NCALD: variants seen among roughly 807,000 people sequenced by gnomAD.
NCALD encodes the protein neurocalcin delta.
In NCALD, 10 loss-of-function variants were observed where a neutral mutation model predicts 18.6. The ratio of observed to expected loss-of-function variants is 0.54; its 90% CI spans 0.33 to 0.91. NCALD has a LOEUF of 0.91. Ranked by LOEUF, NCALD falls within the 40% of genes least tolerant of loss-of-function variation. NCALD has a pLI of 0.03. For missense variants in NCALD, 184 were observed against 247.6 expected, an observed-to-expected ratio of 0.74 and a Z score of 1.72; for synonymous variants, 88 against 87.4, an observed-to-expected ratio of 1.01 and a Z score of -0.04.
chr8:101,971,731 G>A (rs1820248964), intron 2 of NCALD, among the ~76,000 whole-genome samples: 1 of 152,100 alleles, frequency 6.6e-6, no homozygotes, highest in Non-Finnish European at 1.5e-5. Context: ...TGCACAGAGG[G>A]CATCAACACA....
chr8:101,950,747 T>C (rs1404420954), intron 2 of NCALD, among the ~76,000 whole-genome samples: 2 of 152,128 alleles, frequency 1.3e-5, no homozygotes, highest in Non-Finnish European at 2.9e-5. Flanking sequence ...AGCCTGTTGG[T>C]CCAAGAAGAA....
At position 101,725,915 on chromosome 8, in the gene NCALD, G is replaced by T. The variant is rs530951650; in HGVS notation, c.-19-6267C>A. Among the ~76,000 whole-genome samples, 28 of 152,368 alleles carry T rather than the reference G, an allele frequency of 1.8e-4. No homozygotes were observed. The South Asian group carries it at 5.4e-3, about 29-fold the overall frequency. On this transcript the variant is annotated intron_variant, in intron 1 of 3. Coordinates refer to ENST00000220931, the MANE Select transcript of NCALD (RefSeq NM_032041.3). ...AAGAGAAGGGAGTTGTGGAATGCCT[G>T]CAGTGGGTGAACGGGTGTTGGAATT... is the stretch of plus-strand genomic sequence containing the variant.
chr8:101,729,548 G>A (rs1816723492), intron 1 of NCALD, among the ~76,000 whole-genome samples: 1 of 152,178 alleles, frequency 6.6e-6, no homozygotes, highest in East Asian at 1.9e-4. Flanking sequence ...TCATGGCCTG[G>A]GGTTCCCAGC....
Position 102,112,590 on chromosome 8 carries a change from A to T in NCALD, c.-210+11647T>A, listed in dbSNP as rs558429292. On this transcript the variant is annotated intron_variant, in intron 1 of 6. Transcript: ENST00000311028. ...GACTACATCAGTTTTCAAAAAAGTT[A>T]TCCAGTCCCCAAATTAGAACTACAG... Among the ~76,000 whole-genome samples, 24 of 152,364 alleles carry T rather than the reference A, an allele frequency of 1.6e-4. No homozygotes were observed. In the South Asian group the frequency reaches 2.3e-3, roughly 14 times the overall value.
intron 1 of NCALD, among the ~76,000 whole-genome samples, chr8:102,093,100 A>G (rs1824977172): frequency 6.6e-6 from 1 of 152,110 alleles, no homozygotes; most frequent in Non-Finnish European, 1.5e-5. Flanking sequence ...TTGAGGCTGC[A>G]ATGAGCCATG....
At chr8:101,704,424 T>A (rs1815412955) in intron 2 of NCALD, among the ~76,000 whole-genome samples, 1 of 152,058 alleles carries the variant, frequency 6.6e-6, no homozygotes, top group Non-Finnish European at 1.5e-5. Context: ...GGAAATGTGG[T>A]AAGAGTGTAC....
intron 4 of NCALD, among the ~76,000 whole-genome samples, chr8:101,830,084 A>G (rs73696635): frequency 0.011 from 1,649 of 150,278 alleles, 31 homozygotes; most frequent in African/African-American, 0.038. Context: ...GTTTTTAATC[A>G]CCACAGGGGT....
Position 101,757,874 on chromosome 8 carries a change from A to C in NCALD, c.-20+32988T>G, listed in dbSNP as rs191978853. Among the ~76,000 whole-genome samples the C allele has an allele frequency of 3.5e-4, 54 of 152,250 alleles. No homozygotes were observed. In the East Asian group the frequency reaches 7.6e-3, roughly 21 times the overall value. On this transcript the variant is annotated intron_variant, in intron 1 of 3. Transcript: ENST00000220931. ...GTACTCATTTCCTAACCCAACCATC[A>C]GAGAGGCTATTTTAACAATTTTTTT... is the stretch of plus-strand genomic sequence containing the variant.
intron 2 of NCALD, among the ~76,000 whole-genome samples, chr8:101,712,854 A>G (rs1033467833): frequency 1.3e-5 from 2 of 152,132 alleles, no homozygotes; most frequent in Admixed American, 6.5e-5. Context: ...TCCACTGCCA[A>G]TATTAGACAG....
At chr8:101,744,107 T>G (rs1414822395) in intron 1 of NCALD, among the ~76,000 whole-genome samples, 1 of 152,220 alleles carries the variant, frequency 6.6e-6, no homozygotes, top group Non-Finnish European at 1.5e-5. Context: ...TGGGCCATCA[T>G]GCTACCTCTG....
intron 2 of NCALD, among the ~76,000 whole-genome samples, chr8:101,954,657 G>C (rs1288618358): frequency 6.6e-6 from 1 of 152,222 alleles, no homozygotes; most frequent in African/African-American, 2.4e-5. Context: ...ATTGAGGCCA[G>C]AGTTCTCTTT....
At chr8:101,929,843 C>T (rs60240355) in intron 2 of NCALD, among the ~76,000 whole-genome samples, 9,432 of 152,050 alleles carry the variant, frequency 0.062, 739 homozygotes, top group African/African-American at 0.18. Flanking sequence ...GTCAGGTGTT[C>T]GAGACCAGCC....
At position 101,860,836 on chromosome 8, in the gene NCALD, A is replaced by G. The variant is rs187062689; in HGVS notation, c.-20+26305T>C. On this transcript the variant is annotated intron_variant, in intron 4 of 6. Transcript: ENST00000311028. The stretch of plus-strand genomic sequence containing the variant: ...TTGAAAAATCGAGAAACAGCAGTAT[A>G]TGCAGACTGTTTAGAAATATGGAGG... Among the ~76,000 whole-genome samples the G allele has an allele frequency of 3.9e-5, 6 of 152,292 alleles. No individual in the cohort carries two copies. In the East Asian group the frequency reaches 1.2e-3, roughly 29 times the overall value.
chr8:102,120,486 G>C lies in NCALD; in HGVS notation c.-210+3751C>G, dbSNP rs1825914007. 4.6e-5 allele frequency among the ~76,000 whole-genome samples: 7 copies of C among 152,162 alleles called. No homozygotes were observed. The South Asian group carries it at 1.5e-3, about 32-fold the overall frequency. On this transcript the variant is annotated intron_variant, in intron 1 of 6. Coordinates refer to the NCALD transcript ENST00000311028. ...AAGCCCAGACTATGTAAGGTCTGGA[G>C]CTCTTCCAGCCATCCTACAACGAGA...
chr8:101,689,082 A>G lies in NCALD; in HGVS notation c.*227T>C. On this transcript the variant is annotated 3_prime_UTR_variant, in exon 4 of 4. Coordinates refer to ENST00000220931, the MANE Select transcript of NCALD (RefSeq NM_032041.3). The surrounding 1 kb of genome is among the most constrained non-coding windows in gnomAD (Gnocchi z 4.4). ...GATTAAAAATCATCAAACAATGAACACCACGAAGTCTGTCCATGCTCTCCA... is the reference window on the plus strand; with the variant it reads ...GATTAAAAATCATCAAACAATGAACGCCACGAAGTCTGTCCATGCTCTCCA... 1.4e-6 allele frequency: 1 copy of G among 703,142 alleles called. No homozygotes were observed. Among genetic ancestry groups the G allele is most frequent in the Non-Finnish European group, 2.6e-6 (1 of 385,088 alleles). 43.6% of individuals were successfully genotyped at this position (703,142 alleles called of 1,614,324 possible).
At chr8:101,757,632 G>T (rs1376639453) in intron 1 of NCALD, among the ~76,000 whole-genome samples, 2 of 151,758 alleles carry the variant, frequency 1.3e-5, no homozygotes, top group Non-Finnish European at 2.9e-5. Context: ...TTTTCACTTG[G>T]CCTTCTTCAT....
intron 3 of NCALD, among the ~76,000 whole-genome samples, chr8:101,893,906 T>A (rs1463556798): frequency 4.1e-5 from 6 of 145,684 alleles, no homozygotes; most frequent in Non-Finnish European, 4.4e-5. Flanking sequence ...CTCCCACACA[T>A]TAATAATGGT....
upstream of NCALD, chr8:101,791,036 T>A (rs974086240): frequency 6.6e-6 from 1 of 152,174 alleles, no homozygotes; most frequent in African/African-American, 2.4e-5. Flanking sequence ...CATGGCCAGA[T>A]GAAAGCCAAG....
chr8:101,926,985 A>T (rs1818357364), intron 2 of NCALD, among the ~76,000 whole-genome samples: 1 of 152,200 alleles, frequency 6.6e-6, no homozygotes, highest in South Asian at 2.1e-4. Flanking sequence ...GCCTGAAACA[A>T]GTGGCCCCAG....
Sources: gnomAD v4.1 joint callset for allele counts (sites outside exome capture counted in the v4.1 genomes callset) on GRCh38, gnomAD v4.1.1 for gene constraint, Gnocchi (gnomAD v3.1) non-coding constraint, MANE v1.5 for transcripts, NCBI Gene and HGNC (gene_info 2026-07-23, HGNC 2026-07-21) for gene names.